MAGI2: variants seen among roughly 807,000 people sequenced by gnomAD.
The protein encoded by MAGI2 is membrane-associated guanylate kinase, WW and PDZ domain-containing protein 2.
Under a neutral mutation model 133.3 loss-of-function variants are expected in MAGI2, and 35 were observed. The ratio of observed to expected loss-of-function variants is 0.26; its 90% CI spans 0.20 to 0.35. The LOEUF (loss-of-function observed/expected upper bound fraction) is 0.35, where lower values mean the gene tolerates loss of function less well. Among genes scored for constraint, MAGI2 ranks in the 10% least tolerant of loss-of-function variants. The probability of loss-of-function intolerance (pLI) is 1.00; values close to 1 mark genes in which losing one functional copy is unlikely to be tolerated. For missense variants in MAGI2, 1,636 were observed against 1,863.4 expected (o/e 0.88, Z 2.25); for synonymous variants, 729 against 710.6 (o/e 1.03, Z -0.41).
intron 1 of MAGI2, among the ~76,000 whole-genome samples, chr7:79,233,051 A>G (rs1440316678): frequency 4.1e-5 from 5 of 122,694 alleles, no homozygotes; most frequent in Admixed American, 8.5e-5. Context: ...TTCGTTATGT[A>G]CCCAGTAGTC....
chr7:79,093,316 A>C (rs1455690170), intron 1 of MAGI2, among the ~76,000 whole-genome samples: 9 of 152,194 alleles, frequency 5.9e-5, no homozygotes, highest in Non-Finnish European at 1.3e-4. Context: ...TGCAGAACCC[A>C]AAATAAAGAG....
intron 6 of MAGI2, among the ~76,000 whole-genome samples, chr7:78,482,248 C>T (rs1212217307): frequency 2.0e-5 from 3 of 152,020 alleles, no homozygotes; most frequent in African/African-American, 7.2e-5. Context: ...TACTCATAAC[C>T]TCAAATGCTG....
intron 1 of MAGI2, among the ~76,000 whole-genome samples, chr7:79,109,684 A>C (rs1304572048): frequency 2.0e-5 from 3 of 152,228 alleles, no homozygotes; most frequent in Non-Finnish European, 4.4e-5. Context: ...CAGGCTGTGG[A>C]GCAATCACTT....
At chr7:78,672,267 T>C (rs1814478840) in intron 2 of MAGI2, among the ~76,000 whole-genome samples, 1 of 151,878 alleles carries the variant, frequency 6.6e-6, no homozygotes, top group Admixed American at 6.6e-5. Context: ...GGCTGGGACC[T>C]CCCCCCTCTC....
chr7:78,423,587 G>A (rs1018952906), intron 6 of MAGI2, among the ~76,000 whole-genome samples: 5 of 152,148 alleles, frequency 3.3e-5, no homozygotes. Context: ...ATAGGAAAAC[G>A]TGGGAAAGTT....
At chr7:78,085,027 T>C (rs1791794706) in intron 20 of MAGI2, among the ~76,000 whole-genome samples, 1 of 152,208 alleles carries the variant, frequency 6.6e-6, no homozygotes, top group South Asian at 2.1e-4. Flanking sequence ...TGGCTTTTGT[T>C]ATAAACTGTT....
At chr7:78,182,632 G>A (rs1827293057) in intron 13 of MAGI2, among the ~76,000 whole-genome samples, 2 of 152,212 alleles carry the variant, frequency 1.3e-5, no homozygotes, top group South Asian at 4.1e-4. Context: ...TAGCACTACT[G>A]CACTCTTTAA....
At position 78,822,706 on chromosome 7, in the gene MAGI2, G is replaced by GT. The variant is rs924207247; in HGVS notation, c.418+184383dup. Among the ~76,000 whole-genome samples the GT allele has an allele frequency of 2.6e-3, 391 of 151,114 alleles. 2 individuals are homozygous for GT. The highest frequency in any genetic ancestry group is 8.3e-3 in the African/African-American group (341 of 41,208). On this transcript the variant is annotated intron_variant, in intron 2 of 21. Coordinates refer to ENST00000354212, the MANE Select transcript of MAGI2 (RefSeq NM_012301.4). ...AAAAGTTTTTCCCCACCTACTGCCT[G>GT]TTTTTTTTTAACAAGACAGCATGCC... is the stretch of plus-strand genomic sequence containing the variant.
intron 21 of MAGI2, among the ~76,000 whole-genome samples, chr7:78,049,648 C>T (rs983288747): frequency 2.6e-5 from 4 of 152,244 alleles, no homozygotes; most frequent in East Asian, 3.9e-4. Flanking sequence ...ACCTTTTCTC[C>T]ACTTCTAGTT....
intron 9 of MAGI2, among the ~76,000 whole-genome samples, chr7:78,308,663 C>T (rs186813882): frequency 6.6e-6 from 1 of 152,116 alleles, no homozygotes; most frequent in African/African-American, 2.4e-5. Context: ...TATATTCACA[C>T]TGAAGTCCAC....
intron 15 of MAGI2, among the ~76,000 whole-genome samples, chr7:78,164,422 G>A (rs747220814): frequency 6.6e-6 from 1 of 152,220 alleles, no homozygotes; most frequent in African/African-American, 2.4e-5. Flanking sequence ...TATGGGGCAG[G>A]AGCAGCCTAC....
At chr7:79,346,982 A>T (rs1221812589) in intron 1 of MAGI2, among the ~76,000 whole-genome samples, 1 of 151,970 alleles carries the variant, frequency 6.6e-6, no homozygotes, top group African/African-American at 2.4e-5. Flanking sequence ...GAACATCCTG[A>T]GTCACTGTTT....
At chr7:78,653,043 A>G (rs1450777420) in intron 2 of MAGI2, among the ~76,000 whole-genome samples, 1 of 152,226 alleles carries the variant, frequency 6.6e-6, no homozygotes, top group Non-Finnish European at 1.5e-5. Flanking sequence ...AAAGCTCATC[A>G]TCACTGGTCA....
intron 1 of MAGI2, among the ~76,000 whole-genome samples, chr7:79,273,656 A>ATTGTTG (rs149970286): frequency 2.1e-4 from 32 of 149,670 alleles, no homozygotes; most frequent in Admixed American, 1.8e-3. Flanking sequence ...GGGGTGTTCG[A>ATTGTTG]TTGTTGTTGT....
intron 1 of MAGI2, among the ~76,000 whole-genome samples, chr7:79,380,921 C>T (rs561106791): frequency 1.3e-5 from 2 of 151,906 alleles, no homozygotes; most frequent in East Asian, 1.9e-4. Flanking sequence ...TTTTTATACA[C>T]ACTTGGTATG....
At chr7:78,678,905 A>G (rs183043354) in intron 2 of MAGI2, among the ~76,000 whole-genome samples, 25 of 152,254 alleles carry the variant, frequency 1.6e-4, no homozygotes, top group African/African-American at 5.8e-4. Context: ...AGAAAGTAAC[A>G]TTATTCCACT....
At chr7:78,613,833 G>C (rs1806747760) in intron 3 of MAGI2, among the ~76,000 whole-genome samples, 1 of 152,160 alleles carries the variant, frequency 6.6e-6, no homozygotes, top group South Asian at 2.1e-4. Context: ...CAGAGGCCTG[G>C]TGCAGTGGCT....
At chr7:79,220,375 G>A (rs1461060749) in intron 1 of MAGI2, among the ~76,000 whole-genome samples, 1 of 151,704 alleles carries the variant, frequency 6.6e-6, no homozygotes, top group East Asian at 1.9e-4. Context: ...CTGGTAACAG[G>A]TCAAAAAAAA....
At chr7:78,034,908 G>A (rs1810015904) in intron 21 of MAGI2, 2 of 152,218 alleles carry the variant, frequency 1.3e-5, no homozygotes, top group Non-Finnish European at 2.9e-5. Context: ...CTTTCCTACA[G>A]TCTTACATCC....
Sources: allele counts gnomAD v4.1 joint callset (sites outside exome capture counted in the v4.1 genomes callset), GRCh38; gene constraint gnomAD v4.1.1; transcripts MANE v1.5; gene names NCBI Gene and HGNC (gene_info 2026-07-23, HGNC 2026-07-21).